GGTA1: variants seen among roughly 807,000 people sequenced by gnomAD.
GGTA1 encodes glycoprotein alpha-galactosyltransferase 1 (inactive), also known as inactive N-acetyllactosaminide alpha-1,3-galactosyltransferase.
GGTA1 carries 5 observed loss-of-function variants against 2.6 expected under a neutral mutation model. The ratio of observed to expected loss-of-function variants is 1.92; its 90% confidence interval spans 1.00 to 4.04. GGTA1 has a LOEUF of 4.04. Among genes scored for constraint, GGTA1 ranks in the 30% most tolerant of loss-of-function variants. GGTA1 has a pLI of 0.00. For missense variants in GGTA1, 50 were observed against 16.7 expected, an observed-to-expected ratio of 2.99 and a Z score of -3.47; for synonymous variants, 17 against 5.0, an observed-to-expected ratio of 3.38 and a Z score of -3.19.
intron 1 of GGTA1, among the ~76,000 whole-genome samples, chr9:121,495,306 G>A (rs1367965221): frequency 6.6e-6 from 1 of 152,024 alleles, no homozygotes; most frequent in Non-Finnish European, 1.5e-5. Context: ...AGCACTTTGG[G>A]AGGCTGAGGC....
intron 7 of GGTA1, among the ~76,000 whole-genome samples, chr9:121,447,889 C>T (rs1255925276): frequency 2.6e-5 from 4 of 152,142 alleles, no homozygotes; most frequent in Non-Finnish European, 5.9e-5. Context: ...TTTGGAAGAG[C>T]AACTAGAACT....
At chr9:121,470,175 A>G (rs1354208789) in intron 1 of GGTA1, among the ~76,000 whole-genome samples, 1 of 152,248 alleles carries the variant, frequency 6.6e-6, no homozygotes, top group Admixed American at 6.5e-5. Flanking sequence ...CACATAAAAG[A>G]ATACATAACA....
At chr9:121,497,332 C>T (rs908628364) in intron 1 of GGTA1, among the ~76,000 whole-genome samples, 6 of 152,206 alleles carry the variant, frequency 3.9e-5, no homozygotes, top group South Asian at 4.1e-4. Flanking sequence ...TGAAAGCTGC[C>T]CCCTCCTTCG....
intron 3 of GGTA1, 155 bp downstream of exon 3, chr9:121,463,138 A>G (rs1450906162): frequency 1.2e-5 from 5 of 411,312 alleles, no homozygotes; most frequent in Non-Finnish European, 2.3e-5. Flanking sequence ...CGGAAGCTGC[A>G]GAAATAACAT....
intron 1 of GGTA1, among the ~76,000 whole-genome samples, chr9:121,475,715 A>G (rs1341106992): frequency 6.6e-6 from 1 of 152,230 alleles, no homozygotes; most frequent in Non-Finnish European, 1.5e-5. Context: ...GAGACTCAAC[A>G]GGATATATAA....
intron 5 of GGTA1, among the ~76,000 whole-genome samples, chr9:121,456,664 C>T (rs1192033423): frequency 6.6e-6 from 1 of 152,116 alleles, no homozygotes; most frequent in African/African-American, 2.4e-5. Flanking sequence ...GATCCACCCA[C>T]CTTGGCCTCC....
At chr9:121,492,868 G>A (rs1041756679) in intron 1 of GGTA1, among the ~76,000 whole-genome samples, 5 of 152,022 alleles carry the variant, frequency 3.3e-5, no homozygotes, top group Admixed American at 1.3e-4. Flanking sequence ...TCTTGAGGCC[G>A]GGTGGTGGCT....
chr9:121,481,290 C>T (rs909516813), intron 1 of GGTA1, among the ~76,000 whole-genome samples: 2 of 152,078 alleles, frequency 1.3e-5, no homozygotes, highest in African/African-American at 4.8e-5. Context: ...GAGCGAGCTA[C>T]AGCTACTCAC....
chr9:121,452,537 T>A (rs2064883603), downstream of GGTA1, among the ~76,000 whole-genome samples: 1 of 151,970 alleles, frequency 6.6e-6, no homozygotes, highest in Non-Finnish European at 1.5e-5. Flanking sequence ...TATTTTTTTT[T>A]AAGACAGATC....
At chr9:121,475,535 T>C (rs1302552941) in intron 1 of GGTA1, among the ~76,000 whole-genome samples, 1 of 152,140 alleles carries the variant, frequency 6.6e-6, no homozygotes. Flanking sequence ...GTAACACAAG[T>C]GTTTGGGGTG....
downstream of GGTA1, among the ~76,000 whole-genome samples, chr9:121,451,378 G>A (rs1425982523): frequency 6.6e-6 from 1 of 152,090 alleles, no homozygotes; most frequent in East Asian, 1.9e-4. Context: ...ATAGAGACGG[G>A]GTTTCACCGT....
chr9:121,492,753 C>T (rs1484430775), intron 1 of GGTA1, among the ~76,000 whole-genome samples: 1 of 151,650 alleles, frequency 6.6e-6, no homozygotes, highest in Non-Finnish European at 1.5e-5. Context: ...GGATTACAGG[C>T]ATGAGCCACC....
rs1241797250 is a variant in GGTA1 at position 121,476,603 on chromosome 9, C to T, written c.-9-8672G>A. Among the ~76,000 whole-genome samples the T allele has an allele frequency of 1.3e-5, 2 of 152,312 alleles. No individual in the cohort carries two copies. Among genetic ancestry groups the T allele is most frequent in the East Asian group, 1.9e-4 (1 of 5,192 alleles). On this transcript the variant is annotated intron_variant, in intron 1 of 5. Transcript: ENST00000481799. The surrounding 1 kb of genome is among the most constrained non-coding windows in gnomAD (Gnocchi z 4.6). The stretch of plus-strand genomic sequence containing the variant: ...GCTCACCCTGCTGCAGTGACCTACA[C>T]GGGCCCCTTGGTGTGATGATCAAAT...
chr9:121,484,575 C>T (rs1218258668), intron 1 of GGTA1, among the ~76,000 whole-genome samples: 2 of 152,278 alleles, frequency 1.3e-5, no homozygotes, highest in Admixed American at 1.3e-4. Context: ...CCGCCGCTGT[C>T]TACATTTTTC....
At chr9:121,445,077 A>T (rs1380219364) in exon 8 of GGTA1, 1 of 152,240 alleles carries the variant, frequency 6.6e-6, no homozygotes, top group East Asian at 1.9e-4. Flanking sequence ...GAATTTGTCC[A>T]TTGGGGATTT....
downstream of GGTA1, among the ~76,000 whole-genome samples, chr9:121,452,761 C>T (rs1180589665): frequency 5.3e-5 from 8 of 152,132 alleles, no homozygotes; most frequent in Admixed American, 2.0e-4. Context: ...TCAGGTGATC[C>T]GCCAGCTTCA....
chr9:121,496,667 G>T (rs371458720), intron 1 of GGTA1, among the ~76,000 whole-genome samples: 29 of 142,714 alleles, frequency 2.0e-4, no homozygotes, highest in Non-Finnish European at 3.7e-4. Flanking sequence ...GGGAGGCAAA[G>T]GTTGCAGTGA....
intron 1 of GGTA1, among the ~76,000 whole-genome samples, chr9:121,474,206 C>T (rs1173103529): frequency 6.6e-6 from 1 of 152,062 alleles, no homozygotes; most frequent in Non-Finnish European, 1.5e-5. Flanking sequence ...CCCAGTTGCA[C>T]AGCCTGCAAT....
chr9:121,477,084 ACCT>A (rs1828524853), intron 1 of GGTA1, among the ~76,000 whole-genome samples: 1 of 152,194 alleles, frequency 6.6e-6, no homozygotes, highest in South Asian at 2.1e-4. Flanking sequence ...TCTCACAGCC[ACCT>A]CGTGCTCCAC....
Sources: gnomAD v4.1 joint callset for allele counts (sites outside exome capture counted in the v4.1 genomes callset) on GRCh38, gnomAD v4.1.1 for gene constraint, Gnocchi (gnomAD v3.1) non-coding constraint, MANE v1.5 for transcripts, NCBI Gene and HGNC (gene_info 2026-07-23, HGNC 2026-07-21) for gene names.